PPP1CC: variants seen among roughly 807,000 people sequenced by gnomAD.
PPP1CC encodes the protein serine/threonine-protein phosphatase PP1-gamma catalytic subunit.
PPP1CC carries 16 observed loss-of-function variants against 38.4 expected under a neutral mutation model. The ratio of observed to expected loss-of-function variants is 0.42; its 90% CI spans 0.28 to 0.63. PPP1CC has a LOEUF of 0.63. PPP1CC is among the 30% of genes least tolerant of loss of function. PPP1CC has a pLI of 0.25. For synonymous variants in PPP1CC, 158 were observed against 136.0 expected (o/e 1.16, Z -1.13); for missense variants, 170 against 391.3 (o/e 0.43, Z 4.77).
At chr12:110,736,956 C>A (rs531244340) in intron 1 of PPP1CC, among the ~76,000 whole-genome samples, 2 of 152,124 alleles carry the variant, frequency 1.3e-5, no homozygotes, top group African/African-American at 4.8e-5. Context: ...AATAAGCCAA[C>A]GAAGATTTTG....
the PPP1CC span, among the ~76,000 whole-genome samples, chr12:110,712,911 C>A: frequency 2.0e-5 from 3 of 151,218 alleles, no homozygotes; most frequent in African/African-American, 7.3e-5. Flanking sequence ...ATCTCTACTA[C>A]AAAAATACAA....
chr12:110,709,856 A>G, the PPP1CC span, among the ~76,000 whole-genome samples: 1 of 151,244 alleles, frequency 6.6e-6, no homozygotes, highest in African/African-American at 2.4e-5. Flanking sequence ...CAAATTTTAA[A>G]AGTTTTAAAA....
chr12:110,734,704 G>C (rs773444616), intron 1 of PPP1CC: 3 of 153,368 alleles, frequency 2.0e-5, no homozygotes, highest in Admixed American at 1.3e-4. Flanking sequence ...AAAACAATAG[G>C]GCCACTTGCT....
chr12:110,724,607 T>G, intron 4 of PPP1CC, 53 bp downstream of exon 4: 1 of 1,009,468 alleles, frequency 9.9e-7, no homozygotes, highest in Non-Finnish European at 1.6e-6. Flanking sequence ...GTTAAAGTGT[T>G]CACCCTTTGG....
intron 1 of PPP1CC, among the ~76,000 whole-genome samples, chr12:110,736,805 A>G (rs919075580): frequency 2.0e-5 from 3 of 152,236 alleles, no homozygotes; most frequent in Non-Finnish European, 2.9e-5. Flanking sequence ...TTTATAAGGA[A>G]TAAAAAAGTA....
rs1420363485 is a variant in PPP1CC at position 110,731,696 on chromosome 12, C to T, written c.187+74G>A. 4 of 1,489,968 alleles carry T rather than the reference C, an allele frequency of 2.7e-6. No homozygotes were observed. In the Admixed American group the frequency reaches 6.0e-5, roughly 22 times the overall value. 92.3% of individuals were successfully genotyped at this position (1,489,968 alleles called of 1,614,324 possible). On this transcript the variant is annotated intron_variant, in intron 2 of 6. Coordinates refer to ENST00000335007, the MANE Select transcript of PPP1CC (RefSeq NM_002710.4). ...AGGATAATCATTCTGCTAGCTAATA[C>T]AAGGTCATCAACATATCCTTGACTC...
chr12:110,724,597 G>T, intron 4 of PPP1CC, 63 bp downstream of exon 4: 2 of 928,280 alleles, frequency 2.2e-6, no homozygotes, highest in Non-Finnish European at 3.5e-6. Flanking sequence ...ACTCACAAAT[G>T]TTAAAGTGTT....
In PPP1CC at chr12:110,730,714, T is replaced by C; in HGVS notation, c.233A>G (p.Tyr78Cys). 1 of 1,613,938 alleles carries C rather than the reference T, an allele frequency of 6.2e-7. No individual in the cohort carries two copies. The change falls in exon 3 of 7, where the codon TAC becomes TGC. Residue 78 changes from tyrosine (Y) to cysteine (C), a missense_variant. Tyr to Cys is a radical substitution (Grantham distance 194, BLOSUM62 -2). Transcript: ENST00000335007. The part of the protein sequence containing the change: ...QYYDLLRLFE[Y>C]GGFPPESNYL... ...GTTGCTTTCTGGTGGGAAACCACCG[T>C]ACTCAAAAAGTCGCAGCAAATCATA...
intron 1 of PPP1CC, among the ~76,000 whole-genome samples, chr12:110,741,233 C>A (rs549963471): frequency 1.3e-5 from 2 of 151,536 alleles, no homozygotes; most frequent in Admixed American, 1.3e-4. Context: ...AAAGAATGCA[C>A]AGATTAAGAA....
the PPP1CC span, among the ~76,000 whole-genome samples, chr12:110,711,397 A>C: frequency 6.6e-6 from 1 of 151,444 alleles, no homozygotes; most frequent in African/African-American, 2.4e-5. Context: ...AAAATAAATA[A>C]ATTGGCAAAA....
intron 1 of PPP1CC, among the ~76,000 whole-genome samples, chr12:110,733,791 CTTAATA>C (rs779386886): frequency 1.1e-4 from 17 of 152,186 alleles, no homozygotes; most frequent in South Asian, 2.1e-4. Context: ...AAAAATTACT[CTTAATA>C]TTAAGATTAG....
chr12:110,737,519 G>C (rs144805117), intron 1 of PPP1CC, among the ~76,000 whole-genome samples: 4 of 100,880 alleles, frequency 4.0e-5, no homozygotes, highest in African/African-American at 1.6e-4. Flanking sequence ...AAAGAAAAAA[G>C]AACCCTTTAA....
chr12:110,710,454 C>T, the PPP1CC span, among the ~76,000 whole-genome samples: 13 of 148,312 alleles, frequency 8.8e-5, no homozygotes, highest in African/African-American at 3.1e-4. Flanking sequence ...TGCGGTGGCT[C>T]ACACCTGTAA....
chr12:110,732,047 T>C (rs1209326836), intron 1 of PPP1CC, 146 bp from the exon 2 acceptor site: 10 of 810,332 alleles, frequency 1.2e-5, no homozygotes, highest in South Asian at 7.6e-5. Flanking sequence ...GGTTTTAATG[T>C]CTAATTAGAA....
At chr12:110,727,700 A>G (rs1463516702) in intron 3 of PPP1CC, among the ~76,000 whole-genome samples, 1 of 152,124 alleles carries the variant, frequency 6.6e-6, no homozygotes, top group Non-Finnish European at 1.5e-5. Flanking sequence ...ATGAAAATCA[A>G]CATTTGAATA....
intron 1 of PPP1CC, 141 bp from the exon 2 acceptor site, chr12:110,732,042 T>TA: frequency 2.4e-6 from 2 of 831,180 alleles, no homozygotes; most frequent in South Asian, 3.7e-5. Context: ...AACATGGTTT[T>TA]AATGTCTAAT....
the PPP1CC span, among the ~76,000 whole-genome samples, chr12:110,708,850 C>CAAAAAAAA: frequency 1.5e-5 from 1 of 65,434 alleles, no homozygotes; most frequent in Non-Finnish European, 3.3e-5. Flanking sequence ...GAGTCCATCT[C>CAAAAAAAA]AAAAAAAAAA....
downstream of PPP1CC, among the ~76,000 whole-genome samples, chr12:110,718,030 T>C (rs1391295926): frequency 6.6e-6 from 1 of 152,224 alleles, no homozygotes; most frequent in East Asian, 1.9e-4. Flanking sequence ...ATTGAGAAAT[T>C]TGATTGATAT....
chr12:110,737,057 T>C (rs917234820), intron 1 of PPP1CC, among the ~76,000 whole-genome samples: 2 of 152,248 alleles, frequency 1.3e-5, no homozygotes, highest in African/African-American at 4.8e-5. Context: ...AGCCTCATGA[T>C]ATTTGACAGA....
Sources: gnomAD v4.1 joint callset for allele counts (sites outside exome capture counted in the v4.1 genomes callset) on GRCh38, gnomAD v4.1.1 for gene constraint, MANE v1.5 for transcripts, NCBI Gene and HGNC (gene_info 2026-07-23, HGNC 2026-07-21) for gene names.